Variants in TTC39B observed in about 807,000 individuals in gnomAD.
The protein encoded by TTC39B is tetratricopeptide repeat protein 39B.
In TTC39B, 92 loss-of-function variants were observed where a neutral mutation model predicts 96.6. That is an observed-to-expected ratio of 0.95 (90% CI 0.80 to 1.13). TTC39B has a LOEUF of 1.13. Among genes scored for constraint, TTC39B ranks in the 50% most tolerant of loss-of-function variants. The probability of loss-of-function intolerance (pLI) is 0.00; values close to 1 mark genes in which losing one functional copy is unlikely to be tolerated. For missense variants in TTC39B, 955 were observed against 809.3 expected (o/e 1.18, Z -2.18); for synonymous variants, 367 against 299.4 (o/e 1.23, Z -2.33).
chr9:15,194,422 G>C (rs1415647539), intron 8 of TTC39B, among the ~76,000 whole-genome samples: 1 of 152,044 alleles, frequency 6.6e-6, no homozygotes, highest in African/African-American at 2.4e-5. Context: ...AAGGAATTTA[G>C]TATATTTTGA....
intron 1 of TTC39B, among the ~76,000 whole-genome samples, chr9:15,283,185 C>T (rs557825226): frequency 6.6e-6 from 1 of 152,136 alleles, no homozygotes; most frequent in Non-Finnish European, 1.5e-5. Flanking sequence ...TACAGGAATA[C>T]ACTAATGTGT....
intron 1 of TTC39B, among the ~76,000 whole-genome samples, chr9:15,296,642 A>G (rs13293198): frequency 0.16 from 24,203 of 152,094 alleles, 3,479 homozygotes; most frequent in African/African-American, 0.39. Context: ...TTACAGGCAT[A>G]TGCCACCATG....
At chr9:15,287,958 A>C (rs934789528) in intron 1 of TTC39B, among the ~76,000 whole-genome samples, 1 of 148,892 alleles carries the variant, frequency 6.7e-6, no homozygotes, top group Non-Finnish European at 1.5e-5. Flanking sequence ...AAAAAAAAAA[A>C]AAAAAAAAAA....
At chr9:15,250,352 T>C (rs1027847259) in intron 2 of TTC39B, among the ~76,000 whole-genome samples, 3 of 151,598 alleles carry the variant, frequency 2.0e-5, no homozygotes, top group Non-Finnish European at 2.9e-5. Context: ...AACCACAGAA[T>C]ATTTTCATGA....
intron 6 of TTC39B, among the ~76,000 whole-genome samples, chr9:15,206,133 T>C (rs756117097): frequency 6.6e-6 from 1 of 152,210 alleles, no homozygotes; most frequent in Non-Finnish European, 1.5e-5. Flanking sequence ...TTGAACTTTG[T>C]ATTCTGCAAA....
At chr9:15,277,402 C>T (rs1320995658) in intron 1 of TTC39B, among the ~76,000 whole-genome samples, 4 of 152,056 alleles carry the variant, frequency 2.6e-5, no homozygotes, top group African/African-American at 7.2e-5. Context: ...CACTCCAGCC[C>T]GAGCAACAAG....
intron 2 of TTC39B, chr9:15,232,272 C>T (rs1215516724): frequency 6.6e-6 from 1 of 152,646 alleles, no homozygotes; most frequent in African/African-American, 2.4e-5. Context: ...AACCTGCAGA[C>T]AGAATCGCGC....
intron 2 of TTC39B, among the ~76,000 whole-genome samples, chr9:15,251,731 A>ATATATATATG (rs1563764609): frequency 7.9e-6 from 1 of 126,950 alleles, no homozygotes; most frequent in African/African-American, 3.2e-5. Context: ...ATATATATAT[A>ATATATATATG]TATATGTAGT....
At chr9:15,177,846 CAAAG>C in intron 17 of TTC39B, 32 bp from the exon 18 acceptor site, 1 of 1,096,360 alleles carries the variant, frequency 9.1e-7, no homozygotes, top group Non-Finnish European at 1.3e-6. Context: ...AGAAAACACA[CAAAG>C]AAAAATACTT....
At chr9:15,177,673 G>T in intron 18 of TTC39B, 24 bp downstream of exon 18, 3 of 1,514,062 alleles carry the variant, frequency 2.0e-6, no homozygotes, top group Non-Finnish European at 2.7e-6. Flanking sequence ...TTGCACTTGG[G>T]CTGGTTTTAT....
At chr9:15,190,749 G>C in intron 10 of TTC39B, 87 bp from the exon 11 acceptor site, 1 of 1,057,266 alleles carries the variant, frequency 9.5e-7, no homozygotes, top group African/African-American at 1.6e-5. Flanking sequence ...TATATTAGGG[G>C]GGTTACAAGT....
At chr9:15,183,441 G>T in intron 16 of TTC39B, 1 of 343,172 alleles carries the variant, frequency 2.9e-6, no homozygotes, top group Non-Finnish European at 5.6e-6. Flanking sequence ...TGAAAAACAG[G>T]CTTTTGGTAA....
chr9:15,178,474 T>C (rs1289990828), intron 17 of TTC39B, among the ~76,000 whole-genome samples: 1 of 152,078 alleles, frequency 6.6e-6, no homozygotes, highest in Non-Finnish European at 1.5e-5. Context: ...TACTCAGAGA[T>C]AGAGGCAGGA....
chr9:15,276,085 C>T (rs1412613622), intron 1 of TTC39B, among the ~76,000 whole-genome samples: 2 of 152,184 alleles, frequency 1.3e-5, no homozygotes, highest in African/African-American at 4.8e-5. Flanking sequence ...TTGATTTCAA[C>T]TGTCACTATG....
chr9:15,303,964 C>T (rs1387058197), intron 1 of TTC39B, among the ~76,000 whole-genome samples: 1 of 152,142 alleles, frequency 6.6e-6, no homozygotes, highest in Admixed American at 6.5e-5. Flanking sequence ...ACTTAATTAG[C>T]TGCTAGATAT....
At chr9:15,216,555 T>C (rs181008571) in intron 3 of TTC39B, among the ~76,000 whole-genome samples, 35 of 152,292 alleles carry the variant, frequency 2.3e-4, no homozygotes, top group Non-Finnish European at 4.7e-4. Flanking sequence ...ACACCTCCTA[T>C]AACAGTCCAT....
At chr9:15,175,262 C>G (rs1817872103) in intron 18 of TTC39B, 127 bp from the exon 19 acceptor site, 1 of 641,012 alleles carries the variant, frequency 1.6e-6, no homozygotes, top group African/African-American at 1.8e-5. Flanking sequence ...AGAAAGGCGG[C>G]CATTGTATAG....
chr9:15,287,335 A>G, intron 1 of TTC39B, among the ~76,000 whole-genome samples: 1 of 152,244 alleles, frequency 6.6e-6, no homozygotes, highest in East Asian at 1.9e-4. Flanking sequence ...TCTGAAAATA[A>G]AGAACTGCCA....
chr9:15,296,075 G>A (rs1317046722), intron 1 of TTC39B, among the ~76,000 whole-genome samples: 1 of 152,324 alleles, frequency 6.6e-6, no homozygotes, highest in East Asian at 1.9e-4. Flanking sequence ...TGTAAGGACT[G>A]TGACTCATGG....
Sources: allele counts gnomAD v4.1 joint callset (sites outside exome capture counted in the v4.1 genomes callset), GRCh38; gene constraint gnomAD v4.1.1; transcripts MANE v1.5; gene names NCBI Gene and HGNC (gene_info 2026-07-23, HGNC 2026-07-21).